The following PCYT1A variants were observed in gnomAD, a reference collection of about 807,000 sequenced individuals.
PCYT1A encodes choline-phosphate cytidylyltransferase A.
In PCYT1A, 25 loss-of-function variants were observed where a neutral mutation model predicts 43.7. The observed-to-expected ratio is 0.57, with a 90% CI of 0.42 to 0.80. The LOEUF (loss-of-function observed/expected upper bound fraction) is 0.80, where lower values mean the gene tolerates loss of function less well. PCYT1A is among the 30% of genes least tolerant of loss of function. The probability of loss-of-function intolerance (pLI) is 0.00; values close to 1 mark genes in which losing one functional copy is unlikely to be tolerated. For missense variants in PCYT1A, 421 were observed against 474.2 expected, an observed-to-expected ratio of 0.89 and a Z score of 1.04; for synonymous variants, 172 against 170.7, an observed-to-expected ratio of 1.01 and a Z score of -0.06.
intron 5 of PCYT1A, among the ~76,000 whole-genome samples, chr3:196,244,676 A>G (rs1724501276): frequency 6.6e-6 from 1 of 152,254 alleles, no homozygotes; most frequent in South Asian, 2.1e-4. Context: ...GAAAAGATAG[A>G]AAAATCAGAT....
At position 196,237,445 on chromosome 3, in the gene PCYT1A, A is replaced by C. The variant is rs1724202065; in HGVS notation, c.*1243T>G. The stretch of plus-strand genomic sequence containing the variant: ...TGTGTGAAAAGTGGGGAGAAAACCT[A>C]CCACACTCTTGTCACGTGAGGGTAT... On this transcript the variant is annotated 3_prime_UTR_variant, in exon 9 of 9. Coordinates refer to ENST00000431016, the MANE Select transcript of PCYT1A (RefSeq NM_001312673.2). 6.6e-6 allele frequency: 1 copy of C among 152,236 alleles called. No homozygotes were observed. Among genetic ancestry groups the C allele is most frequent in the African/African-American group, 2.4e-5 (1 of 41,462 alleles). 9.4% of individuals were successfully genotyped at this position (152,236 alleles called of 1,614,324 possible). A position where few individuals can be genotyped will look rare whatever the true frequency, so the allele number is the denominator to read the frequency against.
At chr3:196,267,591 C>T (rs987531035) in intron 2 of PCYT1A, among the ~76,000 whole-genome samples, 1 of 151,982 alleles carries the variant, frequency 6.6e-6, no homozygotes, top group African/African-American at 2.4e-5. Context: ...GTGATGTGCA[C>T]CTATATTCCC....
intron 2 of PCYT1A, among the ~76,000 whole-genome samples, chr3:196,261,032 C>T (rs1468452420): frequency 6.6e-6 from 1 of 152,080 alleles, no homozygotes; most frequent in Non-Finnish European, 1.5e-5. Flanking sequence ...TACATGCTAC[C>T]ACTTGGATGG....
rs1725497357 is a variant in PCYT1A, at chr3:196,273,531, C to T, written c.-10-2990G>A. Among the ~76,000 whole-genome samples, 1 of 152,204 alleles carries T rather than the reference C, an allele frequency of 6.6e-6. No individual in the cohort carries two copies. Reference sequence around the variant, plus strand: ...ACCCCAAGCGGGTAGCTCCTTTCCGCAGCAGGTCGTCCCAGCATCTGTGCA... The same window carrying T: ...ACCCCAAGCGGGTAGCTCCTTTCCGTAGCAGGTCGTCCCAGCATCTGTGCA... On this transcript the variant is annotated intron_variant, in intron 1 of 8. Transcript: ENST00000431016. The surrounding 1 kb of genome is among the most constrained non-coding windows in gnomAD (Gnocchi z 4.1).
rs1724208747 is a variant in PCYT1A, at chr3:196,237,732, T to A, written c.*956A>T. 6.6e-6 allele frequency: 1 copy of A among 152,190 alleles called. No individual in the cohort carries two copies. Among genetic ancestry groups the A allele is most frequent in the Non-Finnish European group, 1.5e-5 (1 of 68,030 alleles). The allele number at this position is 152,190 out of a possible 1,614,324, so 9.4% of individuals were successfully genotyped here. On this transcript the variant is annotated 3_prime_UTR_variant, in exon 9 of 9. Transcript: ENST00000431016. ...CAGCAGACATTTACAAAGTATCCTT[T>A]GTAAAAGGCTAGGTAATATTAATAG... is the stretch of plus-strand genomic sequence containing the variant.
chr3:196,250,885 T>TATGCTGAGGCTGAGGACCAGATACACC (rs1724748713), intron 3 of PCYT1A, among the ~76,000 whole-genome samples: 1 of 141,802 alleles, frequency 7.1e-6, no homozygotes. Flanking sequence ...TCAGATACAC[T>TATGCTGAGGCTGAGGACCAGATACACC]ATGCTGAGGC....
chr3:196,241,832 T>A, intron 7 of PCYT1A, 116 bp downstream of exon 7: 1 of 1,311,608 alleles, frequency 7.6e-7, no homozygotes, highest in Non-Finnish European at 1.1e-6. Flanking sequence ...ATTCATTCAC[T>A]GAACTTTTGG....
chr3:196,268,605 C>A lies in PCYT1A; in HGVS notation c.117+1810G>T, dbSNP rs1725343551. On this transcript the variant is annotated intron_variant, in intron 2 of 8. Coordinates refer to ENST00000431016, the MANE Select transcript of PCYT1A (RefSeq NM_001312673.2). This position sits in a 1 kb window ranked among gnomAD's most constrained non-coding sequence, Gnocchi z 4.4. Reference sequence around the variant, plus strand: ...TTCAAGACCAGCCTGGGCAACATAGCAAGACCCTTACTCTAAAAATAAAAA... The same window carrying A: ...TTCAAGACCAGCCTGGGCAACATAGAAAGACCCTTACTCTAAAAATAAAAA... 6.6e-6 allele frequency among the ~76,000 whole-genome samples: 1 copy of A among 151,930 alleles called. No homozygotes were observed. The highest frequency in any genetic ancestry group is 2.4e-5 in the African/African-American group (1 of 41,342).
intron 1 of PCYT1A, among the ~76,000 whole-genome samples, chr3:196,279,927 C>T (rs1213457506): frequency 6.7e-6 from 1 of 150,170 alleles, no homozygotes; most frequent in Non-Finnish European, 1.5e-5. Flanking sequence ...CTCCACCTCC[C>T]GGGTTCAAGC....
rs1014015028 is a variant in PCYT1A, at chr3:196,252,751, G to A, written c.218-4428C>T. On this transcript the variant is annotated intron_variant, in intron 3 of 8. Transcript: ENST00000431016. The surrounding 1 kb of genome is among the most constrained non-coding windows in gnomAD (Gnocchi z 4.0). Reference sequence around the variant, plus strand: ...CTCATCTATGAGAGAAAGCAGGCTGGGTACAGTAGCTCACACCTGTAATTC... The same window carrying A: ...CTCATCTATGAGAGAAAGCAGGCTGAGTACAGTAGCTCACACCTGTAATTC... Among the ~76,000 whole-genome samples the A allele has an allele frequency of 1.3e-5, 2 of 152,030 alleles. No homozygotes were observed. Among genetic ancestry groups the A allele is most frequent in the African/African-American group, 2.4e-5 (1 of 41,374 alleles).
At chr3:196,253,142 GC>G (rs762146658) in intron 3 of PCYT1A, among the ~76,000 whole-genome samples, 4 of 152,046 alleles carry the variant, frequency 2.6e-5, no homozygotes, top group Non-Finnish European at 5.9e-5. Flanking sequence ...GTTGAGGCCA[GC>G]CTGGCCAACA....
At chr3:196,279,526 T>G (rs750070580) in intron 1 of PCYT1A, among the ~76,000 whole-genome samples, 24 of 152,156 alleles carry the variant, frequency 1.6e-4, no homozygotes, top group Non-Finnish European at 3.2e-4. Flanking sequence ...TGATTTTTAC[T>G]CCGACTCACA....
intron 2 of PCYT1A, among the ~76,000 whole-genome samples, chr3:196,265,775 T>C (rs1725251276): frequency 6.6e-6 from 1 of 150,926 alleles, no homozygotes; most frequent in African/African-American, 2.4e-5. Context: ...TCTCGCTCTG[T>C]CGCCCAAGCT....
Position 196,247,257 on chromosome 3 carries a change from A to T in PCYT1A, c.486+110T>A. The T allele has an allele frequency of 5.5e-6, 6 of 1,088,626 alleles. No homozygotes were observed. Among genetic ancestry groups the T allele is most frequent in the Non-Finnish European group, 8.3e-6 (6 of 725,246 alleles). 67.4% of individuals were successfully genotyped at this position (1,088,626 alleles called of 1,614,324 possible). On this transcript the variant is annotated intron_variant, in intron 5 of 8. Coordinates refer to ENST00000431016, the MANE Select transcript of PCYT1A (RefSeq NM_001312673.2). The surrounding 1 kb of genome is among the most constrained non-coding windows in gnomAD (Gnocchi z 4.8). Reference sequence around the variant, plus strand: ...CTGTCATCTCCTACGAAACTTACATAAGAGGTAGAAGTAAAACACGGCTAG... The same window carrying T: ...CTGTCATCTCCTACGAAACTTACATTAGAGGTAGAAGTAAAACACGGCTAG...
intron 2 of PCYT1A, among the ~76,000 whole-genome samples, chr3:196,259,911 CTTTTTTTTTTTTTTTTT>C (rs779918737): frequency 6.1e-5 from 3 of 48,952 alleles, no homozygotes; most frequent in Admixed American, 2.9e-4. Context: ...TGGAAACATT[CTTTTTTTTTTTTTTTTT>C]TTTTTTTTTT....
At chr3:196,270,252 T>A (rs976553693) in intron 2 of PCYT1A, among the ~76,000 whole-genome samples, 163 bp downstream of exon 2, 2 of 152,252 alleles carry the variant, frequency 1.3e-5, no homozygotes, top group African/African-American at 4.8e-5. Flanking sequence ...CTTCTACAAC[T>A]GAGCTGTGAG....
At chr3:196,256,674 G>A (rs1265230622) in intron 3 of PCYT1A, among the ~76,000 whole-genome samples, 1 of 151,924 alleles carries the variant, frequency 6.6e-6, no homozygotes, top group African/African-American at 2.4e-5. Context: ...CGAGTAGCTG[G>A]GACTACAGGT....
At chr3:196,267,797 T>C (rs1725320980) in intron 2 of PCYT1A, among the ~76,000 whole-genome samples, 1 of 152,174 alleles carries the variant, frequency 6.6e-6, no homozygotes, top group Admixed American at 6.5e-5. Context: ...ACCACTGAAT[T>C]GTATACTGTA....
At position 196,274,722 on chromosome 3, in the gene PCYT1A, TC is replaced by T. The variant is rs376794505; in HGVS notation, c.-10-4182del. Among the ~76,000 whole-genome samples the T allele has an allele frequency of 3.8e-3, 575 of 152,294 alleles. 2 individuals are homozygous for T. The highest frequency in any genetic ancestry group is 4.2e-3 in the Non-Finnish European group (283 of 68,012). ...TGCAACTGTGCCTTACTTTCTTTCC[TC>T]CGGCTCAACTCCGAGTGGCAATATG... On this transcript the variant is annotated intron_variant, in intron 1 of 8. Transcript: ENST00000431016.
Sources: allele counts gnomAD v4.1 joint callset (sites outside exome capture counted in the v4.1 genomes callset), GRCh38; gene constraint gnomAD v4.1.1; non-coding constraint Gnocchi (gnomAD v3.1); transcripts MANE v1.5; gene names NCBI Gene and HGNC (gene_info 2026-07-23, HGNC 2026-07-21).